MARCHF1: variants seen among roughly 807,000 people sequenced by gnomAD.
MARCHF1 encodes the protein membrane associated ring-CH-type finger 1.
In MARCHF1, 40 loss-of-function variants were observed where a neutral mutation model predicts 54.2. The observed-to-expected ratio is 0.74, with a 90% CI of 0.57 to 0.96. The LOEUF (loss-of-function observed/expected upper bound fraction) is 0.96, where lower values mean the gene tolerates loss of function less well. Among genes scored for constraint, MARCHF1 ranks in the 40% least tolerant of loss-of-function variants. The pLI, the probability that MARCHF1 is intolerant of heterozygous loss-of-function variation, is 0.00. For missense variants in MARCHF1, 586 were observed against 656.5 expected (o/e 0.89, Z 1.17); for synonymous variants, 236 against 236.3 (o/e 1.00, Z 0.01).
chr4:164,142,922 G>C (rs920429019), intron 1 of MARCHF1, among the ~76,000 whole-genome samples: 2 of 151,836 alleles, frequency 1.3e-5, no homozygotes, highest in African/African-American at 4.8e-5. Flanking sequence ...TGAAAACTTT[G>C]AAAAAAATTT....
rs182463563 is a variant in MARCHF1, at chr4:163,837,816, C to A, written c.111+16205G>T. Among the ~76,000 whole-genome samples the A allele has an allele frequency of 1.3e-3, 196 of 152,122 alleles. 1 individual carries two copies. Among genetic ancestry groups the A allele is most frequent in the African/African-American group, 4.6e-3 (192 of 41,528 alleles). On this transcript the variant is annotated intron_variant, in intron 4 of 9. Transcript: ENST00000514618. ...TGATTACCAAATTTTAGCTAATTGACTTCTATAAAACACTGTACCTAATAA... is the reference window on the plus strand; with the variant it reads ...TGATTACCAAATTTTAGCTAATTGAATTCTATAAAACACTGTACCTAATAA...
At chr4:164,338,393 AT>A (rs1729819716) in intron 1 of MARCHF1, among the ~76,000 whole-genome samples, 1 of 152,226 alleles carries the variant, frequency 6.6e-6, no homozygotes. Flanking sequence ...AACCATAAAA[AT>A]AATCAATAAA....
chr4:163,732,148 A>G (rs922424316), intron 4 of MARCHF1, among the ~76,000 whole-genome samples: 1 of 151,616 alleles, frequency 6.6e-6, no homozygotes. Flanking sequence ...GAATTAATAT[A>G]TGATTAGTTA....
intron 4 of MARCHF1, among the ~76,000 whole-genome samples, chr4:163,799,717 A>G (rs754225261): frequency 6.6e-6 from 1 of 152,126 alleles, no homozygotes; most frequent in African/African-American, 2.4e-5. Context: ...GAAAAGTAAT[A>G]TATCCAGTAA....
At chr4:164,053,555 C>A (rs1414619707) in intron 2 of MARCHF1, among the ~76,000 whole-genome samples, 1 of 152,152 alleles carries the variant, frequency 6.6e-6, no homozygotes, top group Admixed American at 6.5e-5. Context: ...ACAATACTTT[C>A]CACAGGCTTC....
At chr4:164,319,222 C>G (rs1435882054) in intron 1 of MARCHF1, among the ~76,000 whole-genome samples, 1 of 152,124 alleles carries the variant, frequency 6.6e-6, no homozygotes, top group Non-Finnish European at 1.5e-5. Context: ...TAGCATTTAA[C>G]TTATACTAGG....
intron 2 of MARCHF1, among the ~76,000 whole-genome samples, chr4:164,080,979 C>A (rs1396403867): frequency 6.6e-6 from 1 of 150,386 alleles, no homozygotes; most frequent in East Asian, 2.0e-4. Context: ...GAGGCCGAGG[C>A]GGGTGGATCA....
At chr4:164,365,456 T>A (rs1311488256) in intron 1 of MARCHF1, among the ~76,000 whole-genome samples, 2 of 152,050 alleles carry the variant, frequency 1.3e-5, no homozygotes. Flanking sequence ...AAAATAAACA[T>A]AACTGTAGAT....
chr4:163,983,386 A>C (rs1307230717), intron 3 of MARCHF1, among the ~76,000 whole-genome samples: 1 of 152,200 alleles, frequency 6.6e-6, no homozygotes, highest in African/African-American at 2.4e-5. Flanking sequence ...CTACTAAATT[A>C]CTTTGACCAT....
intron 2 of MARCHF1, among the ~76,000 whole-genome samples, chr4:164,017,085 C>A (rs1333816555): frequency 3.3e-5 from 5 of 151,762 alleles, no homozygotes; most frequent in African/African-American, 1.2e-4. Context: ...CCCAAATAAG[C>A]AAAATTGGTT....
intron 1 of MARCHF1, chr4:164,189,044 T>C (rs569972507): frequency 2.9e-6 from 2 of 689,190 alleles, no homozygotes; most frequent in East Asian, 5.0e-5. Context: ...ATCCTGTTGT[T>C]CCACCTGGGT....
At chr4:164,029,060 C>T (rs1753825441) in intron 2 of MARCHF1, among the ~76,000 whole-genome samples, 1 of 152,166 alleles carries the variant, frequency 6.6e-6, no homozygotes, top group South Asian at 2.1e-4. Flanking sequence ...CATTAATCTC[C>T]TGTGAGAAAT....
At chr4:164,187,451 G>T (rs950955636) in intron 1 of MARCHF1, among the ~76,000 whole-genome samples, 2 of 152,110 alleles carry the variant, frequency 1.3e-5, no homozygotes, top group African/African-American at 2.4e-5. Flanking sequence ...GCACAGACCC[G>T]CCATGTGTAT....
intron 1 of MARCHF1, among the ~76,000 whole-genome samples, chr4:164,327,365 G>A (rs532378346): frequency 6.6e-6 from 1 of 152,264 alleles, no homozygotes; most frequent in South Asian, 2.1e-4. Context: ...GAAGAGTACA[G>A]CTTGTGAAAG....
At chr4:164,129,958 A>G (rs1002097706) in intron 1 of MARCHF1, 3 of 152,196 alleles carry the variant, frequency 2.0e-5, no homozygotes, top group Admixed American at 6.6e-5. Context: ...AAACAAGAAA[A>G]GAAAATTGTC....
At chr4:163,863,799 C>G (rs532629528) in intron 3 of MARCHF1, among the ~76,000 whole-genome samples, 13 of 151,770 alleles carry the variant, frequency 8.6e-5, no homozygotes, top group Non-Finnish European at 1.6e-4. Context: ...ACAAGATGAG[C>G]CTGGAGAAAC....
chr4:164,026,555 C>A (rs1396614907), intron 2 of MARCHF1, among the ~76,000 whole-genome samples: 2 of 152,076 alleles, frequency 1.3e-5, no homozygotes, highest in Non-Finnish European at 1.5e-5. Context: ...ATCATAAAAA[C>A]CCTCAGCAGA....
chr4:164,196,049 G>T (rs1731246767), intron 1 of MARCHF1, among the ~76,000 whole-genome samples: 1 of 151,998 alleles, frequency 6.6e-6, no homozygotes, highest in Non-Finnish European at 1.5e-5. Flanking sequence ...GACTGATAAA[G>T]GTATTATTGA....
At chr4:164,331,995 A>G (rs1735445320) in intron 1 of MARCHF1, among the ~76,000 whole-genome samples, 1 of 152,178 alleles carries the variant, frequency 6.6e-6, no homozygotes, top group Non-Finnish European at 1.5e-5. Flanking sequence ...TCCACAGAGC[A>G]TTCATCTCCC....
Sources: gnomAD v4.1 joint callset for allele counts (sites outside exome capture counted in the v4.1 genomes callset) on GRCh38, gnomAD v4.1.1 for gene constraint, MANE v1.5 for transcripts, NCBI Gene and HGNC (gene_info 2026-07-23, HGNC 2026-07-21) for gene names.